ETNPPL: variants seen among roughly 807,000 people sequenced by gnomAD.
ETNPPL encodes the protein alanine--glyoxylate aminotransferase 2-like 1.
ETNPPL carries 30 observed loss-of-function variants against 55.5 expected under a neutral mutation model. The ratio of observed to expected loss-of-function variants is 0.54; its 90% CI spans 0.40 to 0.73. The LOEUF is 0.73. ETNPPL is among the 30% of genes least tolerant of loss of function. The probability of loss-of-function intolerance (pLI) is 0.00; values close to 1 mark genes in which losing one functional copy is unlikely to be tolerated. For missense variants in ETNPPL, 528 were observed against 607.9 expected, an observed-to-expected ratio of 0.87 and a Z score of 1.38; for synonymous variants, 202 against 207.2, an observed-to-expected ratio of 0.98 and a Z score of 0.21.
rs1560650099 is a variant in ETNPPL, at chr4:108,747,145, TA to T, written c.1083-295del. ...AACATTATATATATATATATATATA[TA>T]TAATATATATATATATATTATATAT... is the stretch of plus-strand genomic sequence containing the variant. On this transcript the variant is annotated intron_variant, in intron 9 of 12. Coordinates refer to ENST00000296486, the MANE Select transcript of ETNPPL (RefSeq NM_031279.4). 8.3e-3 allele frequency among the ~76,000 whole-genome samples: 190 copies of T among 22,910 alleles called. 29 individuals are homozygous for T. The highest frequency in any genetic ancestry group is 0.049 in the African/African-American group (170 of 3,478). The allele number at this position is 22,910 out of a possible 152,430, so 15.0% of individuals were successfully genotyped here. A position where few individuals can be genotyped will look rare whatever the true frequency, so the allele number is the denominator to read the frequency against.
chr4:108,753,802 AAGAAAAGAG>A lies in ETNPPL; in HGVS notation c.502-800_502-792del, dbSNP rs752728930. Among the ~76,000 whole-genome samples, 838 of 144,436 alleles carry A rather than the reference AAGAAAAGAG, an allele frequency of 5.8e-3. 5 individuals are homozygous for A. The highest frequency in any genetic ancestry group is 7.7e-3 in the Non-Finnish European group (510 of 66,650). 94.8% of individuals were successfully genotyped at this position (144,436 alleles called of 152,430 possible). A position where few individuals can be genotyped will look rare whatever the true frequency, so the allele number is the denominator to read the frequency against. ...AAAGAAAGAAAGAAAGAAAGAAAGA[AAGAAAAGAG>A]AAGAAAAGAAAAGAAAAAAAGAAAT... On this transcript the variant is annotated intron_variant, in intron 5 of 12. Transcript: ENST00000296486.
Position 108,746,846 on chromosome 4 carries a change from A to G in ETNPPL, c.1088T>C (p.Ile363Thr), listed in dbSNP as rs750542145. Residue 363 changes from isoleucine to threonine, a missense_variant, in exon 10 of 13, where the codon ATT (isoleucine) becomes ACT (threonine). Ile to Thr is a moderately conservative substitution (Grantham distance 89). Coordinates refer to ENST00000296486, the MANE Select transcript of ETNPPL (RefSeq NM_031279.4). ...TAAATCAATTCCAATAAAAAGGCCA[A>G]TGCCCCTGCGAGAGGTGAAGAAAAA... ...KHTLIGDIRGIGLFIGIDLVK... is the reference protein window; with the variant it reads ...KHTLIGDIRGTGLFIGIDLVK... 4.3e-6 allele frequency: 7 copies of G among 1,612,844 alleles called. No individual in the cohort carries two copies. Among genetic ancestry groups the G allele is most frequent in the African/African-American group, 1.3e-5 (1 of 74,798 alleles).
chr4:108,750,700 C>G (rs1303380285), intron 7 of ETNPPL, among the ~76,000 whole-genome samples: 2 of 149,798 alleles, frequency 1.3e-5, no homozygotes, highest in Non-Finnish European at 2.9e-5. Flanking sequence ...AGGATGCAGG[C>G]TGGAGGCTGG....
chr4:108,747,208 A>T (rs1256389231), intron 9 of ETNPPL, among the ~76,000 whole-genome samples: 1 of 3,778 alleles, frequency 2.6e-4, no homozygotes, highest in African/African-American at 1.4e-3. Flanking sequence ...ATATATATAT[A>T]ATATATATAT....
At chr4:108,759,459 A>G (rs1450170297) in intron 3 of ETNPPL, among the ~76,000 whole-genome samples, 1 of 151,966 alleles carries the variant, frequency 6.6e-6, no homozygotes, top group East Asian at 1.9e-4. Flanking sequence ...TTTCTTGGCT[A>G]AAGTTACTCA....
At chr4:108,762,625 C>G (rs888832257) in intron 1 of ETNPPL, 4 of 654,238 alleles carry the variant, frequency 6.1e-6, no homozygotes, top group African/African-American at 3.6e-5. Context: ...CGGGGACTTT[C>G]GAGCGGGCAG....
intron 11 of ETNPPL, among the ~76,000 whole-genome samples, chr4:108,745,292 CA>C (rs1490501383): frequency 1.3e-5 from 2 of 151,702 alleles, no homozygotes; most frequent in African/African-American, 2.4e-5. Context: ...AAGAAAAAAG[CA>C]AAAGAAAAAA....
rs1553933962 is a variant in ETNPPL, at chr4:108,750,625, A to ATATATATATC, written c.701+310_701+311insGATATATATA. Reference sequence around the variant, plus strand: ...TATGATATATATAGGATATATATATATCCTATTAGTTTGGTCCCTCTAGAG... The same window carrying ATATATATATC: ...TATGATATATATAGGATATATATATATATATATATCTCCTATTAGTTTGGTCCCTCTAGAG... On this transcript the variant is annotated intron_variant, in intron 7 of 12. Coordinates refer to ENST00000296486, the MANE Select transcript of ETNPPL (RefSeq NM_031279.4). 4.9e-5 allele frequency among the ~76,000 whole-genome samples: 6 copies of ATATATATATC among 122,950 alleles called. 1 individual carries two copies. Among genetic ancestry groups the ATATATATATC allele is most frequent in the Admixed American group, 2.4e-4 (3 of 12,750 alleles). The allele number at this position is 122,950 out of a possible 152,430, so 80.7% of individuals were successfully genotyped here.
rs567441147 is a variant in ETNPPL, at chr4:108,750,798, C to T, written c.701+138G>A. On this transcript the variant is annotated intron_variant, in intron 7 of 12. Transcript: ENST00000296486. ...GAAGGCTGAGAGAGCATCCAGGAGT[C>T]CTGGGTTGGCAGGCACTCAGGTGTG... 1.8e-5 allele frequency: 12 copies of T among 655,558 alleles called. No homozygotes were observed. The East Asian group carries it at 1.9e-4, about 11-fold the overall frequency. The allele number at this position is 655,558 out of a possible 1,614,324, so 40.6% of individuals were successfully genotyped here.
intron 3 of ETNPPL, among the ~76,000 whole-genome samples, chr4:108,758,974 G>A (rs56978925): frequency 0.05 from 7,670 of 152,074 alleles, 316 homozygotes; most frequent in Middle Eastern, 0.13. Flanking sequence ...ACTCAAACCC[G>A]GGAGGTGGAG....
intron 6 of ETNPPL, among the ~76,000 whole-genome samples, chr4:108,752,400 TGTTTCTGTCTTAGAA>T (rs1728955788): frequency 6.6e-6 from 1 of 152,324 alleles, no homozygotes; most frequent in South Asian, 2.1e-4. Context: ...TCAAGGATTT[TGTTTCTGTCTTAGAA>T]GTCCAGGCCC....
intron 9 of ETNPPL, 138 bp from the exon 10 acceptor site, chr4:108,746,989 G>T (rs1728539001): frequency 3.6e-6 from 2 of 551,702 alleles, no homozygotes; most frequent in South Asian, 2.9e-5. Flanking sequence ...TATGTTCACA[G>T]TTGTTTCTAC....
chr4:108,760,105 T>C (rs1729436316), intron 2 of ETNPPL, 83 bp downstream of exon 2: 1 of 1,148,594 alleles, frequency 8.7e-7, no homozygotes. Context: ...CCACTGCAAT[T>C]CCCCAAACAA....
intron 9 of ETNPPL, 78 bp downstream of exon 9, chr4:108,747,927 A>G: frequency 8.0e-7 from 1 of 1,254,820 alleles, no homozygotes; most frequent in Non-Finnish European, 1.1e-6. Flanking sequence ...ACGGGGTCTC[A>G]CCATGTTGCC....
chr4:108,762,674 G>A, intron 1 of ETNPPL, 169 bp downstream of exon 1: 1 of 803,384 alleles, frequency 1.2e-6, no homozygotes, highest in Non-Finnish European at 2.2e-6. Context: ...GTTTCTGGGA[G>A]TCCGCGCGGC....
intron 11 of ETNPPL, among the ~76,000 whole-genome samples, chr4:108,745,892 C>G (rs1728463113): frequency 7.4e-6 from 1 of 134,844 alleles, no homozygotes; most frequent in South Asian, 2.5e-4. Context: ...GATCACAGCA[C>G]TACACTCCAG....
chr4:108,750,888 G>T, intron 7 of ETNPPL, 48 bp downstream of exon 7: 1 of 1,308,242 alleles, frequency 7.6e-7, no homozygotes, highest in Non-Finnish European at 1.1e-6. Context: ...CTACAGAATT[G>T]TCACAGTGCT....
chr4:108,759,994 G>T, intron 2 of ETNPPL, 86 bp from the exon 3 acceptor site: 1 of 1,363,984 alleles, frequency 7.3e-7, no homozygotes, highest in Non-Finnish European at 1.0e-6. Flanking sequence ...AAGCAAGCAA[G>T]CAAACAAACA....
chr4:108,761,167 C>G (rs1729491810), intron 1 of ETNPPL, among the ~76,000 whole-genome samples: 1 of 152,048 alleles, frequency 6.6e-6, no homozygotes, highest in Non-Finnish European at 1.5e-5. Flanking sequence ...TTCACAAAGG[C>G]TTCTAATCTT....
Sources: allele counts gnomAD v4.1 joint callset (sites outside exome capture counted in the v4.1 genomes callset), GRCh38; gene constraint gnomAD v4.1.1; transcripts MANE v1.5; gene names NCBI Gene and HGNC (gene_info 2026-07-23, HGNC 2026-07-21).